CLSTN2: variants seen among roughly 807,000 people sequenced by gnomAD.
CLSTN2 encodes the protein calsyntenin-2.
CLSTN2 carries 48 observed loss-of-function variants against 101.2 expected under a neutral mutation model. The observed-to-expected ratio is 0.47, with a 90% CI of 0.38 to 0.60. CLSTN2 has a LOEUF of 0.60. Among genes scored for constraint, CLSTN2 ranks in the 20% least tolerant of loss-of-function variants. The probability of loss-of-function intolerance (pLI) is 0.00; values close to 1 mark genes in which losing one functional copy is unlikely to be tolerated. For synonymous variants in CLSTN2, 481 were observed against 463.6 expected (o/e 1.04, Z -0.48); for missense variants, 1,160 against 1,238.2 (o/e 0.94, Z 0.95).
intron 2 of CLSTN2, among the ~76,000 whole-genome samples, chr3:140,335,602 T>G (rs111329215): frequency 6.7e-6 from 1 of 149,226 alleles, no homozygotes; most frequent in South Asian, 2.1e-4. Flanking sequence ...ACAGCTAGGG[T>G]TTCAAAGAGA....
intron 1 of CLSTN2, among the ~76,000 whole-genome samples, chr3:140,040,455 G>A (rs967755441): frequency 6.6e-6 from 1 of 152,030 alleles, no homozygotes; most frequent in African/African-American, 2.4e-5. Flanking sequence ...TGTTTATGGA[G>A]AGGAGCAGAT....
At chr3:140,102,573 G>A (rs1320950282) in intron 1 of CLSTN2, among the ~76,000 whole-genome samples, 2 of 152,190 alleles carry the variant, frequency 1.3e-5, no homozygotes, top group African/African-American at 4.8e-5. Flanking sequence ...CACAAGCCAG[G>A]AAGTAATTTC....
intron 10 of CLSTN2, among the ~76,000 whole-genome samples, chr3:140,547,976 G>A (rs1935631460): frequency 6.6e-6 from 1 of 152,192 alleles, no homozygotes; most frequent in African/African-American, 2.4e-5. Flanking sequence ...TTCTCAGCTG[G>A]CCTAACATCC....
chr3:139,952,642 T>C (rs1291398619), intron 1 of CLSTN2, among the ~76,000 whole-genome samples: 4 of 152,066 alleles, frequency 2.6e-5, no homozygotes, highest in Admixed American at 1.3e-4. Context: ...TAAAAAAAAA[T>C]TGGGGGAGCA....
At chr3:140,524,864 T>G (rs1232768212) in intron 8 of CLSTN2, among the ~76,000 whole-genome samples, 1 of 152,154 alleles carries the variant, frequency 6.6e-6, no homozygotes, top group African/African-American at 2.4e-5. Context: ...AACAACAAAA[T>G]TAAGGCAGAA....
At chr3:140,041,278 G>C (rs2007757054) in intron 1 of CLSTN2, among the ~76,000 whole-genome samples, 1 of 152,186 alleles carries the variant, frequency 6.6e-6, no homozygotes. Context: ...GCCAGCTCAT[G>C]GCTGAGATGG....
At chr3:140,089,741 G>T (rs927883334) in intron 1 of CLSTN2, among the ~76,000 whole-genome samples, 4 of 151,504 alleles carry the variant, frequency 2.6e-5, no homozygotes, top group African/African-American at 4.9e-5. Flanking sequence ...CTCCTGAGTA[G>T]CTGGGACTAC....
intron 1 of CLSTN2, among the ~76,000 whole-genome samples, chr3:139,937,318 GAGA>G (rs1291113383): frequency 2.0e-5 from 3 of 152,126 alleles, no homozygotes; most frequent in Admixed American, 2.0e-4. Context: ...AAGCGAGAAA[GAGA>G]AGGAGAGAGA....
intron 2 of CLSTN2, among the ~76,000 whole-genome samples, chr3:140,389,916 T>C (rs925547841): frequency 6.6e-6 from 1 of 152,196 alleles, no homozygotes; most frequent in Non-Finnish European, 1.5e-5. Flanking sequence ...TTGATATCTG[T>C]GACAGATTTT....
intron 1 of CLSTN2, among the ~76,000 whole-genome samples, chr3:140,069,461 A>G (rs2008355594): frequency 6.6e-6 from 1 of 152,178 alleles, no homozygotes. Context: ...ACAATTTTCC[A>G]TGGGCTTCAT....
At chr3:140,115,550 G>A (rs1271223075) in intron 1 of CLSTN2, among the ~76,000 whole-genome samples, 1 of 152,140 alleles carries the variant, frequency 6.6e-6, no homozygotes, top group Non-Finnish European at 1.5e-5. Context: ...GTAAAGGGCA[G>A]GGAGAAAAAG....
At chr3:140,227,525 C>T (rs146067658) in intron 2 of CLSTN2, among the ~76,000 whole-genome samples, 1,613 of 152,294 alleles carry the variant, frequency 0.011, 24 homozygotes, top group African/African-American at 0.037. Context: ...CTCAGTGGAT[C>T]TACCATTGTG....
At chr3:140,207,922 T>G (rs936870121) in intron 2 of CLSTN2, among the ~76,000 whole-genome samples, 1 of 152,150 alleles carries the variant, frequency 6.6e-6, no homozygotes, top group African/African-American at 2.4e-5. Flanking sequence ...GTTTCTTGTT[T>G]TGTAAGTTTA....
chr3:140,546,711 A>G, intron 10 of CLSTN2, 30 bp downstream of exon 10: 2 of 1,577,768 alleles, frequency 1.3e-6, no homozygotes, highest in South Asian at 1.2e-5. Context: ...CACTCCCAAT[A>G]AGACAGGGAT....
chr3:140,282,124 A>T (rs921861815), intron 2 of CLSTN2, among the ~76,000 whole-genome samples: 1 of 152,158 alleles, frequency 6.6e-6, no homozygotes, highest in Non-Finnish European at 1.5e-5. Context: ...CTGCTTACTT[A>T]CACTATGTCT....
chr3:140,303,561 C>T (rs1039883166), intron 2 of CLSTN2, among the ~76,000 whole-genome samples: 12 of 152,110 alleles, frequency 7.9e-5, no homozygotes, highest in African/African-American at 2.9e-4. Flanking sequence ...GAGGTCTCTA[C>T]AGTTTACAAA....
intron 1 of CLSTN2, among the ~76,000 whole-genome samples, chr3:139,963,527 T>C (rs1281697388): frequency 6.6e-6 from 1 of 152,108 alleles, no homozygotes; most frequent in Non-Finnish European, 1.5e-5. Flanking sequence ...TCAGCATCTC[T>C]GGGGTTATTT....
intron 5 of CLSTN2, among the ~76,000 whole-genome samples, chr3:140,447,969 A>G (rs7634124): frequency 0.26 from 38,856 of 152,176 alleles, 5,608 homozygotes; most frequent in East Asian, 0.46. Context: ...CCCATGACAC[A>G]AATTTACCTA....
chr3:140,084,871 C>A (rs181643859), intron 1 of CLSTN2, among the ~76,000 whole-genome samples: 1 of 152,182 alleles, frequency 6.6e-6, no homozygotes, highest in African/African-American at 2.4e-5. Flanking sequence ...AGTCTACTTG[C>A]TTTTTGAATT....
Sources: allele counts gnomAD v4.1 joint callset (sites outside exome capture counted in the v4.1 genomes callset), GRCh38; gene constraint gnomAD v4.1.1; transcripts MANE v1.5; gene names NCBI Gene and HGNC (gene_info 2026-07-23, HGNC 2026-07-21).